PKD2: variants seen among roughly 807,000 people sequenced by gnomAD.
The protein encoded by PKD2 is polycystin 2, transient receptor potential cation channel.
A neutral mutation model predicts 105.9 loss-of-function variants in PKD2; 48 were observed. That is an observed-to-expected ratio of 0.45 (90% CI 0.36 to 0.58). PKD2 has a LOEUF of 0.58. Ranked by LOEUF, PKD2 falls within the 20% of genes least tolerant of loss-of-function variation. The pLI is 0.00. For missense variants in PKD2, 1,078 were observed against 1,255.3 expected, an observed-to-expected ratio of 0.86 and a Z score of 2.13; for synonymous variants, 464 against 481.1, an observed-to-expected ratio of 0.96 and a Z score of 0.46.
chr4:88,050,340 A>T (rs1383307364), intron 6 of PKD2, among the ~76,000 whole-genome samples: 1 of 152,152 alleles, frequency 6.6e-6, no homozygotes, highest in Non-Finnish European at 1.5e-5. Flanking sequence ...TGTTCTAGGC[A>T]CTGGGGATAC....
At chr4:88,033,805 A>G (rs1727240952) in intron 2 of PKD2, among the ~76,000 whole-genome samples, 1 of 152,204 alleles carries the variant, frequency 6.6e-6, no homozygotes, top group African/African-American at 2.4e-5. Flanking sequence ...TTCCAAGTTA[A>G]CTGAAAATAA....
intron 7 of PKD2, among the ~76,000 whole-genome samples, chr4:88,054,622 G>C (rs1207030896): frequency 6.7e-6 from 1 of 149,458 alleles, no homozygotes. Flanking sequence ...TTATCATTAA[G>C]GTCTTTAAGG....
At chr4:88,061,247 G>A (rs1378985865) in intron 9 of PKD2, among the ~76,000 whole-genome samples, 3 of 152,112 alleles carry the variant, frequency 2.0e-5, no homozygotes. Context: ...GTATGTAAAA[G>A]TTTCTAAATA....
chr4:88,038,870 T>C (rs1328244842), intron 4 of PKD2, among the ~76,000 whole-genome samples: 4 of 152,192 alleles, frequency 2.6e-5, no homozygotes, highest in Admixed American at 6.5e-5. Flanking sequence ...TCAGGAACTC[T>C]TTTTATAGGT....
chr4:88,031,878 A>G (rs189691141), intron 2 of PKD2, among the ~76,000 whole-genome samples: 77 of 152,366 alleles, frequency 5.1e-4, no homozygotes, highest in Middle Eastern at 6.9e-3. Flanking sequence ...TAATTTACCA[A>G]TGTAAAATAA....
intron 13 of PKD2, among the ~76,000 whole-genome samples, chr4:88,070,599 T>TAGAGAG (rs1267235364): frequency 0.019 from 1,847 of 98,102 alleles, 16 homozygotes; most frequent in Non-Finnish European, 0.028. Context: ...TATATATATA[T>TAGAGAG]ATAGAGAGAG....
At chr4:88,024,179 G>A (rs1262683817) in intron 2 of PKD2, among the ~76,000 whole-genome samples, 1 of 152,056 alleles carries the variant, frequency 6.6e-6, no homozygotes, top group African/African-American at 2.4e-5. Context: ...AACAGTGTCT[G>A]GGTACGGTGG....
chr4:88,014,118 C>T (rs1726476704), intron 1 of PKD2, among the ~76,000 whole-genome samples: 1 of 152,050 alleles, frequency 6.6e-6, no homozygotes, highest in African/African-American at 2.4e-5. Flanking sequence ...AGAAAGGAAA[C>T]AAAAACCATC....
chr4:88,013,980 G>A (rs762469860), intron 1 of PKD2, among the ~76,000 whole-genome samples: 7 of 152,162 alleles, frequency 4.6e-5, no homozygotes, highest in Admixed American at 1.3e-4. Flanking sequence ...TTGGAACAAC[G>A]TAGAGGATAG....
intron 2 of PKD2, among the ~76,000 whole-genome samples, chr4:88,035,741 G>C (rs968551339): frequency 6.6e-6 from 1 of 152,192 alleles, no homozygotes; most frequent in Non-Finnish European, 1.5e-5. Flanking sequence ...AGAGAAGAAT[G>C]GAGAATTGAT....
In PKD2 at chr4:88,036,469, A is replaced by G. The variant is rs114532947; in HGVS notation, c.843+116A>G. The G allele has an allele frequency of 9.6e-4, 1,479 of 1,546,164 alleles. 11 individuals carry two copies. The African/African-American group carries it at 0.016, about 17-fold the overall frequency. On this transcript the variant is annotated intron_variant, in intron 3 of 14. Transcript: ENST00000237596. Reference sequence around the variant, plus strand: ...TGCTTTGCATTTAACACTGTGTGAGACGTAAGTTATGGTGAGTTGTTAGAA... The same window carrying G: ...TGCTTTGCATTTAACACTGTGTGAGGCGTAAGTTATGGTGAGTTGTTAGAA...
intron 5 of PKD2, 50 bp downstream of exon 5, chr4:88,043,507 C>T (rs370479367): frequency 6.8e-6 from 9 of 1,328,412 alleles, no homozygotes; most frequent in African/African-American, 2.9e-5. Context: ...GTTGTACATA[C>T]ATCCTATTCT....
intron 1 of PKD2, among the ~76,000 whole-genome samples, chr4:88,018,748 A>G (rs1046912411): frequency 2.6e-5 from 4 of 152,200 alleles, no homozygotes; most frequent in African/African-American, 7.2e-5. Flanking sequence ...AATGTAGAAC[A>G]TGGTTGTTGA....
chr4:88,074,193 T>TGCA (rs1721141178), intron 13 of PKD2, among the ~76,000 whole-genome samples: 1 of 152,106 alleles, frequency 6.6e-6, no homozygotes, highest in African/African-American at 2.4e-5. Flanking sequence ...CAGGCTGGAG[T>TGCA]GCAGGAGTGC....
At chr4:88,010,121 G>T (rs984469740) in intron 1 of PKD2, among the ~76,000 whole-genome samples, 5 of 151,006 alleles carry the variant, frequency 3.3e-5, no homozygotes, top group African/African-American at 9.7e-5. Flanking sequence ...AAGAGTCGGG[G>T]TTTCACTCTG....
intron 13 of PKD2, among the ~76,000 whole-genome samples, chr4:88,069,742 A>G (rs943531793): frequency 2.6e-5 from 4 of 152,090 alleles, no homozygotes; most frequent in African/African-American, 9.7e-5. Context: ...ATAAATGTGT[A>G]TATTAACCTA....
In PKD2 at chr4:88,046,825, C is replaced by A; in HGVS notation, c.1503C>A (p.His501Gln). The A allele has an allele frequency of 1.2e-6, 2 of 1,611,568 alleles. No individual in the cohort carries two copies. The highest frequency in any genetic ancestry group is 1.7e-6 in the Non-Finnish European group (2 of 1,177,666). Residue 501 changes from histidine to glutamine, a missense_variant, in exon 6 of 15, where the codon CAC (histidine) becomes CAA (glutamine). This residue lies in a region of PKD2 where 868 missense variants were observed against 1,067.3 expected (regional missense o/e 0.81). Transcript: ENST00000237596. Reference protein sequence around the residue: ...EILEIRIHKLHYFRSFWNCLD... With the variant: ...EILEIRIHKLQYFRSFWNCLD... The stretch of plus-strand genomic sequence containing the variant: ...TGGAAATTCGCATTCACAAACTACA[C>A]TATTTCAGGAGTTTCTGGAATTGTC...
intron 3 of PKD2, among the ~76,000 whole-genome samples, chr4:88,036,923 A>G (rs1413632619): frequency 6.6e-6 from 1 of 152,224 alleles, no homozygotes; most frequent in Non-Finnish European, 1.5e-5. Flanking sequence ...CAAAGTAAGC[A>G]CATTCTTTCA....
chr4:88,041,239 T>G (rs902285676), intron 4 of PKD2, among the ~76,000 whole-genome samples: 1 of 152,320 alleles, frequency 6.6e-6, no homozygotes. Flanking sequence ...CCAAATCAGT[T>G]ACCAAGTTCT....
Sources: allele counts gnomAD v4.1 joint callset (sites outside exome capture counted in the v4.1 genomes callset), GRCh38; gene constraint gnomAD v4.1.1; regional missense constraint gnomAD v4.1.1; transcripts MANE v1.5; gene names NCBI Gene and HGNC (gene_info 2026-07-23, HGNC 2026-07-21).